CDYL: variants seen among roughly 807,000 people sequenced by gnomAD.
CDYL encodes chromodomain Y like, also known as chromodomain Y-like protein.
A neutral mutation model predicts 47.3 loss-of-function variants in CDYL; 8 were observed. That is an observed-to-expected ratio of 0.17 (90% CI 0.10 to 0.31). The LOEUF (loss-of-function observed/expected upper bound fraction) is 0.31. Among genes scored for constraint, CDYL ranks in the 10% least tolerant of loss-of-function variants. The pLI is 1.00. For missense variants in CDYL, 471 were observed against 701.4 expected, an observed-to-expected ratio of 0.67 and a Z score of 3.71; for synonymous variants, 266 against 265.0, an observed-to-expected ratio of 1.00 and a Z score of -0.04.
intron 1 of CDYL, among the ~76,000 whole-genome samples, chr6:4,846,875 A>G (rs1180234502): frequency 6.6e-6 from 1 of 152,244 alleles, no homozygotes. Context: ...GTCCTATTTA[A>G]ATCCATAAAA....
intron 3 of CDYL, among the ~76,000 whole-genome samples, chr6:4,736,854 A>C (rs181955409): frequency 3.7e-4 from 56 of 152,286 alleles, no homozygotes; most frequent in African/African-American, 1.2e-3. Flanking sequence ...TAATTCAACA[A>C]ATTACATCTA....
At chr6:4,725,385 C>A (rs937645603) in intron 2 of CDYL, among the ~76,000 whole-genome samples, 1 of 152,206 alleles carries the variant, frequency 6.6e-6, no homozygotes, top group Non-Finnish European at 1.5e-5. Flanking sequence ...CAGGGGGCGG[C>A]GCTCGTGGGG....
rs1215088608 is a variant in CDYL at position 4,852,556 on chromosome 6, CTTCCAATCT to C, written c.25-39155_25-39147del. Among the ~76,000 whole-genome samples, 32 of 132,050 alleles carry C rather than the reference CTTCCAATCT, an allele frequency of 2.4e-4. 3 individuals are homozygous for C. Among genetic ancestry groups the C allele is most frequent in the African/African-American group, 1.0e-3 (32 of 30,934 alleles). 86.6% of individuals were successfully genotyped at this position (132,050 alleles called of 152,430 possible). A position where few individuals can be genotyped will look rare whatever the true frequency, so the allele number is the denominator to read the frequency against. On this transcript the variant is annotated intron_variant, in intron 1 of 6. Coordinates refer to ENST00000397588, the MANE Select transcript of CDYL (RefSeq NM_004824.4). ...CCAATCTTCCTTCCTTCCTTCCTTC[CTTCCAATCT>C]TCCTTCCTTCCTTCCAATCTTCCTT...
intron 2 of CDYL, chr6:4,734,682 G>T: frequency 1.9e-6 from 3 of 1,575,784 alleles, no homozygotes; most frequent in South Asian, 2.3e-5. Context: ...GAAGTTGGGG[G>T]ATGGGGATGG....
At chr6:4,851,531 G>T (rs1459540188) in intron 1 of CDYL, among the ~76,000 whole-genome samples, 1 of 152,086 alleles carries the variant, frequency 6.6e-6, no homozygotes, top group African/African-American at 2.4e-5. Flanking sequence ...GGAGTCTGGG[G>T]GCTCTCTCTG....
chr6:4,779,998 C>T (rs910173705), intron 1 of CDYL, among the ~76,000 whole-genome samples: 1 of 152,056 alleles, frequency 6.6e-6, no homozygotes, highest in African/African-American at 2.4e-5. Flanking sequence ...TGATTCCTAA[C>T]TTGTAGGTTC....
intron 3 of CDYL, among the ~76,000 whole-genome samples, chr6:4,936,194 C>G (rs1318451547): frequency 6.6e-6 from 1 of 152,184 alleles, no homozygotes; most frequent in Non-Finnish European, 1.5e-5. Context: ...CCCCGGGGAT[C>G]CCAGTCCCTT....
intron 1 of CDYL, among the ~76,000 whole-genome samples, chr6:4,823,966 A>T (rs1561655173): frequency 2.0e-5 from 3 of 152,208 alleles, no homozygotes; most frequent in Admixed American, 2.0e-4. Flanking sequence ...GATATTTGAT[A>T]TAAGGGAGAT....
At chr6:4,807,533 A>G (rs1438454064) in intron 1 of CDYL, among the ~76,000 whole-genome samples, 1 of 147,606 alleles carries the variant, frequency 6.8e-6, no homozygotes, top group Non-Finnish European at 1.5e-5. Context: ...CACATTTGCT[A>G]ATTGGAGTTG....
intron 3 of CDYL, 148 bp downstream of exon 3, chr6:4,935,919 G>C: frequency 2.4e-6 from 3 of 1,261,856 alleles, no homozygotes; most frequent in Non-Finnish European, 3.2e-6. Flanking sequence ...GGGAGCAGAG[G>C]GGAAGTTGCG....
chr6:4,707,866 ATG>A (rs1757074704), intron 1 of CDYL, among the ~76,000 whole-genome samples: 1 of 152,110 alleles, frequency 6.6e-6, no homozygotes, highest in African/African-American at 2.4e-5. Flanking sequence ...ACTGCTTTAG[ATG>A]TGTACAAATT....
At chr6:4,747,324 T>G (rs995686513) in intron 3 of CDYL, among the ~76,000 whole-genome samples, 1 of 119,070 alleles carries the variant, frequency 8.4e-6, no homozygotes, top group Non-Finnish European at 1.8e-5. Context: ...AAAAAAAAAA[T>G]CATGGGCATT....
intron 2 of CDYL, among the ~76,000 whole-genome samples, chr6:4,912,040 T>C (rs1757428921): frequency 6.6e-6 from 1 of 152,202 alleles, no homozygotes; most frequent in Admixed American, 6.5e-5. Context: ...AGCAATGCCA[T>C]TGATTTATAT....
At chr6:4,723,787 A>C (rs1216279732) in intron 2 of CDYL, among the ~76,000 whole-genome samples, 1 of 152,206 alleles carries the variant, frequency 6.6e-6, no homozygotes, top group Non-Finnish European at 1.5e-5. Context: ...CAACTTAAAA[A>C]TCTAAGGGAA....
rs144504328 is a variant in CDYL, at chr6:4,932,661, T to C, written c.692-2854T>C. On this transcript the variant is annotated intron_variant, in intron 2 of 6. Transcript: ENST00000397588. ...TTACCAGCTGCTGGCATGTGTAGTC[T>C]GAAGGAACCCCCTTCTTAGAATGCC... Among the ~76,000 whole-genome samples, 432 of 152,328 alleles carry C rather than the reference T, an allele frequency of 2.8e-3. 2 individuals are homozygous for C. Among genetic ancestry groups the C allele is most frequent in the African/African-American group, 7.7e-3 (321 of 41,578 alleles).
At chr6:4,898,425 C>G (rs1240366944) in intron 2 of CDYL, among the ~76,000 whole-genome samples, 1 of 152,142 alleles carries the variant, frequency 6.6e-6, no homozygotes, top group African/African-American at 2.4e-5. Context: ...ATTGACATGT[C>G]CTGTATAGTG....
chr6:4,879,304 C>T (rs1020514682), intron 1 of CDYL, among the ~76,000 whole-genome samples: 27 of 152,106 alleles, frequency 1.8e-4, no homozygotes, highest in African/African-American at 6.5e-4. Context: ...ATTACTTTCT[C>T]CCTTAAGTTC....
Position 4,808,707 on chromosome 6 carries a change from A to T in CDYL, c.24+31900A>T, listed in dbSNP as rs1349954150. On this transcript the variant is annotated intron_variant, in intron 1 of 6. Coordinates refer to ENST00000397588, the MANE Select transcript of CDYL (RefSeq NM_004824.4). ...CTTTACTGTCTGACCCTTTATGGAC[A>T]TGGTTTGCTGACTCTTAAAGTCCAA... Among the ~76,000 whole-genome samples the T allele has an allele frequency of 2.6e-5, 4 of 152,254 alleles. No individual in the cohort carries two copies. In the East Asian group the frequency reaches 5.8e-4, roughly 22 times the overall value.
chr6:4,769,703 G>C (rs528420855), intron 3 of CDYL, among the ~76,000 whole-genome samples: 39 of 152,330 alleles, frequency 2.6e-4, no homozygotes, highest in African/African-American at 8.9e-4. Flanking sequence ...CTCTGGGGAA[G>C]CAGCAAACCA....
Sources: allele counts gnomAD v4.1 joint callset (sites outside exome capture counted in the v4.1 genomes callset), GRCh38; gene constraint gnomAD v4.1.1; transcripts MANE v1.5; gene names NCBI Gene and HGNC (gene_info 2026-07-23, HGNC 2026-07-21).